The following ADCY9 variants were observed in gnomAD, a reference collection of about 807,000 sequenced individuals.
ADCY9 encodes the protein adenylate cyclase type 9.
Under a neutral mutation model 101.5 loss-of-function variants are expected in ADCY9, and 50 were observed. The observed-to-expected ratio is 0.49, with a 90% CI of 0.39 to 0.62. The LOEUF (loss-of-function observed/expected upper bound fraction) is 0.62, where lower values mean the gene tolerates loss of function less well. Ranked by LOEUF, ADCY9 falls within the 20% of genes least tolerant of loss-of-function variation. The pLI is 0.00. For synonymous variants in ADCY9, 905 were observed against 769.3 expected (o/e 1.18, Z -2.92); for missense variants, 1,662 against 1,800.4 (o/e 0.92, Z 1.39).
chr16:3,954,052 G>A (rs2055894880), intron 5 of ADCY9, among the ~76,000 whole-genome samples: 1 of 152,182 alleles, frequency 6.6e-6, no homozygotes, highest in South Asian at 2.1e-4. Flanking sequence ...ACAGAGGATG[G>A]TAAGGCTCTG....
At chr16:3,998,643 AG>A (rs1287964754) in intron 3 of ADCY9, among the ~76,000 whole-genome samples, 1 of 129,312 alleles carries the variant, frequency 7.7e-6, no homozygotes, top group African/African-American at 2.9e-5. Flanking sequence ...CGGGAGGTGG[AG>A]GTTCCAGTGA....
At chr16:4,024,560 G>T (rs187610142) in intron 2 of ADCY9, among the ~76,000 whole-genome samples, 2 of 151,868 alleles carry the variant, frequency 1.3e-5, no homozygotes, top group Non-Finnish European at 2.9e-5. Context: ...GATCCCACGC[G>T]GCTGGCTGGC....
At chr16:4,103,518 A>G (rs1324979834) in intron 2 of ADCY9, among the ~76,000 whole-genome samples, 1 of 152,188 alleles carries the variant, frequency 6.6e-6, no homozygotes, top group African/African-American at 2.4e-5. Context: ...AAGGAAAGGC[A>G]GACAGCTTCA....
chr16:3,997,037 G>A (rs566268282), intron 3 of ADCY9, among the ~76,000 whole-genome samples: 1 of 152,122 alleles, frequency 6.6e-6, no homozygotes, highest in Admixed American at 6.5e-5. Context: ...GCTTATTTTT[G>A]TATTTTCAGT....
Position 4,097,553 on chromosome 16 carries a change from A to ATAT in ADCY9, c.1693+16196_1693+16197insATA, listed in dbSNP as rs1382458827. Among the ~76,000 whole-genome samples, 126 of 53,402 alleles carry ATAT rather than the reference A, an allele frequency of 2.4e-3. 3 individuals carry two copies. Among genetic ancestry groups the ATAT allele is most frequent in the South Asian group, 4.7e-3 (5 of 1,056 alleles). 35.0% of individuals were successfully genotyped at this position (53,402 alleles called of 152,430 possible). A position where few individuals can be genotyped will look rare whatever the true frequency, so the allele number is the denominator to read the frequency against. ...CATATATATATATATATATATATATATTTTTTTTTTTTTTTTTTAAGACAG... is the reference window on the plus strand; with the variant it reads ...CATATATATATATATATATATATATATATTTTTTTTTTTTTTTTTTTAAGACAG... On this transcript the variant is annotated intron_variant, in intron 2 of 10. Transcript: ENST00000294016.
intron 9 of ADCY9, among the ~76,000 whole-genome samples, chr16:3,976,509 C>T (rs559653998): frequency 2.0e-5 from 3 of 152,302 alleles, no homozygotes; most frequent in Non-Finnish European, 4.4e-5. Context: ...CTGCGCCATC[C>T]CATTCCTCAG....
chr16:3,974,572 T>A, intron 10 of ADCY9, 97 bp downstream of exon 10: 1 of 986,812 alleles, frequency 1.0e-6, no homozygotes, highest in African/African-American at 1.6e-5. Flanking sequence ...TTGTTCCTTT[T>A]ATTCAAGATC....
chr16:4,111,300 T>G (rs769986677), intron 2 of ADCY9, among the ~76,000 whole-genome samples: 4 of 152,154 alleles, frequency 2.6e-5, no homozygotes, highest in Non-Finnish European at 4.4e-5. Flanking sequence ...TGTTGTTGTT[T>G]TTTAAGACAG....
chr16:4,011,030 G>C (rs887245), intron 2 of ADCY9, among the ~76,000 whole-genome samples: 59,128 of 151,900 alleles, frequency 0.39, 11,987 homozygotes, highest in East Asian at 0.51. Context: ...GTGCTGTATA[G>C]ATTACCCAGC....
chr16:4,025,350 G>C (rs1240542821), intron 2 of ADCY9, among the ~76,000 whole-genome samples: 1 of 147,968 alleles, frequency 6.8e-6, no homozygotes, highest in East Asian at 2.0e-4. Context: ...ACTCCAGCCA[G>C]GGCAACAGAG....
At chr16:4,067,635 T>C (rs2056808439) in intron 2 of ADCY9, among the ~76,000 whole-genome samples, 1 of 152,114 alleles carries the variant, frequency 6.6e-6, no homozygotes, top group Non-Finnish European at 1.5e-5. Flanking sequence ...TATTTTATGG[T>C]CTGTCCTAAA....
At chr16:4,017,945 G>T (rs2056449111) in intron 2 of ADCY9, among the ~76,000 whole-genome samples, 1 of 152,196 alleles carries the variant, frequency 6.6e-6, no homozygotes, top group Non-Finnish European at 1.5e-5. Context: ...ACAGCATGGT[G>T]AGCCCAGCCA....
chr16:4,023,367 G>A (rs953122455), intron 2 of ADCY9, among the ~76,000 whole-genome samples: 2 of 152,298 alleles, frequency 1.3e-5, no homozygotes, highest in Admixed American at 6.5e-5. Context: ...CCCAACATGC[G>A]GTTTGGACAG....
In ADCY9 at chr16:3,966,422, A is replaced by G; in HGVS notation, c.3415T>C (p.Phe1139Leu). ...SHPQEHLQIL[F>L]EFAKEMMRVV... ...CGCATCATCTCCTTGGCGAACTCGA[A>G]CAGGATCTGCAGGTGCTCCTGCGGG... Residue 1139 changes from phenylalanine (F) to leucine (L), a missense_variant, in exon 11 of 11, where the codon TTC becomes CTC. Physicochemically the swap from Phe to Leu is conservative, Grantham distance 22. Transcript: ENST00000294016. 1 of 1,614,120 alleles carries G rather than the reference A, an allele frequency of 6.2e-7. No homozygotes were observed. Among genetic ancestry groups the G allele is most frequent in the Non-Finnish European group, 8.5e-7 (1 of 1,180,028 alleles).
chr16:4,048,267 A>T (rs1010693361), intron 2 of ADCY9, among the ~76,000 whole-genome samples: 1 of 152,218 alleles, frequency 6.6e-6, no homozygotes, highest in African/African-American at 2.4e-5. Context: ...AGAAAACACT[A>T]ATAACATTAA....
At chr16:3,967,283 C>A (rs2056007563) in intron 10 of ADCY9, among the ~76,000 whole-genome samples, 1 of 152,014 alleles carries the variant, frequency 6.6e-6, no homozygotes, top group Admixed American at 6.6e-5. Flanking sequence ...AGCTGCTGTG[C>A]CCAGCCCTGT....
In ADCY9 at chr16:4,030,226, T is replaced by C. The variant is rs7187955; in HGVS notation, c.1694-22668A>G. 6.7e-3 allele frequency among the ~76,000 whole-genome samples: 1,024 copies of C among 152,052 alleles called. 10 individuals carry two copies. The highest frequency in any genetic ancestry group is 0.019 in the African/African-American group (786 of 41,472). Reference sequence around the variant, plus strand: ...TACAGTACGTAAGTATTCACAGGGATTATTGTAAAAGTCAAAGCCCAGAAA... The same window carrying C: ...TACAGTACGTAAGTATTCACAGGGACTATTGTAAAAGTCAAAGCCCAGAAA... On this transcript the variant is annotated intron_variant, in intron 2 of 10. Transcript: ENST00000294016.
At chr16:3,996,859 CTTTT>C (rs1349348461) in intron 3 of ADCY9, among the ~76,000 whole-genome samples, 1 of 151,966 alleles carries the variant, frequency 6.6e-6, no homozygotes, top group Non-Finnish European at 1.5e-5. Flanking sequence ...GCTTTTCTCT[CTTTT>C]TTTGTTTGTT....
Position 3,989,227 on chromosome 16 carries a change from G to A in ADCY9, c.2208-131C>T. 5 of 638,518 alleles carry A rather than the reference G, an allele frequency of 7.8e-6. No homozygotes were observed. In the South Asian group the frequency reaches 9.5e-5, roughly 12 times the overall value. 39.6% of individuals were successfully genotyped at this position (638,518 alleles called of 1,614,324 possible). A position where few individuals can be genotyped will look rare whatever the true frequency, so the allele number is the denominator to read the frequency against. ...AACAGCTGCGTCTAAAAGCGCCTGT[G>A]GAACAGACGCCACTCAGCTGCCCCT... On this transcript the variant is annotated intron_variant, in intron 5 of 10. Coordinates refer to ENST00000294016, the MANE Select transcript of ADCY9 (RefSeq NM_001116.4).
Sources: allele counts gnomAD v4.1 joint callset (sites outside exome capture counted in the v4.1 genomes callset), GRCh38; gene constraint gnomAD v4.1.1; transcripts MANE v1.5; gene names NCBI Gene and HGNC (gene_info 2026-07-23, HGNC 2026-07-21).